The following MSI2 variants were observed in gnomAD, a reference collection of about 807,000 sequenced individuals.
MSI2 encodes musashi RNA binding protein 2.
In MSI2, 17 loss-of-function variants were observed where a neutral mutation model predicts 45.6. The ratio of observed to expected loss-of-function variants is 0.37; its 90% CI spans 0.26 to 0.56. MSI2 has a LOEUF of 0.56. Among genes scored for constraint, MSI2 ranks in the 20% least tolerant of loss-of-function variants. The pLI is 0.77. For missense variants in MSI2, 293 were observed against 444.2 expected, an observed-to-expected ratio of 0.66 and a Z score of 3.06; for synonymous variants, 156 against 158.2, an observed-to-expected ratio of 0.99 and a Z score of 0.11.
At chr17:57,592,121 G>A (rs1408645318) in intron 7 of MSI2, among the ~76,000 whole-genome samples, 10 of 150,938 alleles carry the variant, frequency 6.6e-5, no homozygotes, top group East Asian at 3.9e-4. Context: ...GCAGTGAGCC[G>A]AGATCGCGCC....
At chr17:57,548,039 T>C (rs1181731430) in intron 7 of MSI2, among the ~76,000 whole-genome samples, 1 of 152,182 alleles carries the variant, frequency 6.6e-6, no homozygotes, top group African/African-American at 2.4e-5. Context: ...AAAGCATCAT[T>C]GCATCCACCC....
At chr17:57,590,924 C>A (rs1904771616) in intron 7 of MSI2, among the ~76,000 whole-genome samples, 1 of 152,142 alleles carries the variant, frequency 6.6e-6, no homozygotes, top group South Asian at 2.1e-4. Flanking sequence ...GGGAGGAGTT[C>A]TCTGGTTCTT....
intron 5 of MSI2, among the ~76,000 whole-genome samples, chr17:57,389,610 A>G (rs1194813458): frequency 6.6e-6 from 1 of 152,226 alleles, no homozygotes; most frequent in African/African-American, 2.4e-5. Context: ...TGCTTGGCAC[A>G]TAGTGGGTCC....
chr17:57,309,969 G>A (rs1003537515), intron 5 of MSI2, among the ~76,000 whole-genome samples: 1 of 152,232 alleles, frequency 6.6e-6, no homozygotes, highest in Non-Finnish European at 1.5e-5. Context: ...CGGTGATGAT[G>A]GGGGTGCAGG....
intron 10 of MSI2, among the ~76,000 whole-genome samples, chr17:57,648,525 C>T (rs1428557881): frequency 1.3e-5 from 2 of 152,192 alleles, no homozygotes; most frequent in African/African-American, 4.8e-5. Context: ...CTGTGCTGCC[C>T]TGCCTCAGGA....
intron 6 of MSI2, among the ~76,000 whole-genome samples, chr17:57,409,608 C>T (rs949253727): frequency 2.6e-5 from 4 of 152,050 alleles, no homozygotes; most frequent in African/African-American, 7.2e-5. Flanking sequence ...CTTTGTGGGA[C>T]GTTTGTGTGA....
intron 7 of MSI2, among the ~76,000 whole-genome samples, chr17:57,559,318 C>T (rs890286558): frequency 7.2e-5 from 11 of 152,146 alleles, no homozygotes; most frequent in Admixed American, 5.9e-4. Context: ...GGACAAGCCC[C>T]GATGTCCTGT....
chr17:57,535,448 C>T (rs2086901538), intron 7 of MSI2, among the ~76,000 whole-genome samples: 1 of 152,214 alleles, frequency 6.6e-6, no homozygotes, highest in Admixed American at 6.5e-5. Context: ...CCTTCATTAC[C>T]CAGCAGGCCT....
At chr17:57,458,046 C>T (rs900422330) in intron 6 of MSI2, among the ~76,000 whole-genome samples, 6 of 150,748 alleles carry the variant, frequency 4.0e-5, no homozygotes, top group African/African-American at 1.5e-4. Context: ...TACCATATTG[C>T]ATATATATAA....
At chr17:57,575,781 T>C (rs2088023032) in intron 7 of MSI2, among the ~76,000 whole-genome samples, 1 of 151,582 alleles carries the variant, frequency 6.6e-6, no homozygotes, top group Non-Finnish European at 1.5e-5. Context: ...CCGCCTCTAT[T>C]AAAAATACAA....
intron 5 of MSI2, among the ~76,000 whole-genome samples, chr17:57,295,992 C>T (rs1024849702): frequency 5.4e-4 from 21 of 38,624 alleles, no homozygotes; most frequent in African/African-American, 1.4e-3. Context: ...CGCAGCCTTC[C>T]TTTTTTTTTT....
At chr17:57,378,635 C>CA (rs1262249500) in intron 5 of MSI2, among the ~76,000 whole-genome samples, 1 of 151,986 alleles carries the variant, frequency 6.6e-6, no homozygotes, top group African/African-American at 2.4e-5. Context: ...GGCCTCAAGC[C>CA]ATCCGCCTGC....
chr17:57,353,405 T>C (rs1269076204), intron 5 of MSI2, among the ~76,000 whole-genome samples: 2 of 152,230 alleles, frequency 1.3e-5, no homozygotes, highest in Non-Finnish European at 2.9e-5. Context: ...GGGGTTGTAC[T>C]AAGGACTTGT....
chr17:57,453,002 CT>C (rs59001273), intron 6 of MSI2, among the ~76,000 whole-genome samples: 82,399 of 118,072 alleles, frequency 0.7, 28,522 homozygotes, highest in South Asian at 0.78. Context: ...GGTTGAGGGA[CT>C]TTTTTTTTTT....
chr17:57,302,722 G>A (rs1314992485), intron 5 of MSI2, among the ~76,000 whole-genome samples: 1 of 152,190 alleles, frequency 6.6e-6, no homozygotes, highest in East Asian at 1.9e-4. Flanking sequence ...TACATTTTGA[G>A]AACCCAGCTG....
chr17:57,651,995 G>A lies in MSI2; in HGVS notation c.728-104G>A, dbSNP rs926340682. 14 of 1,068,590 alleles carry A rather than the reference G, an allele frequency of 1.3e-5. No homozygotes were observed. The African/African-American group carries it at 2.2e-4, about 17-fold the overall frequency. The allele number at this position is 1,068,590 out of a possible 1,614,324, so 66.2% of individuals were successfully genotyped here. ...CCTGTGAAAATCCCTTCCCACTCCT[G>A]TCTTTGTGTGGAGGGCGGGGGGTTG... On this transcript the variant is annotated intron_variant, in intron 10 of 13. Transcript: ENST00000284073.
At position 57,378,930 on chromosome 17, in the gene MSI2, G is replaced by T. The variant is rs2083549718; in HGVS notation, c.313-22449G>T. ...TCTCACAGCGACATGGGCCCAAAAT[G>T]CTACCTGTGCTAAGTGGCTGAGTTT... On this transcript the variant is annotated intron_variant, in intron 5 of 13. Coordinates refer to ENST00000284073, the MANE Select transcript of MSI2 (RefSeq NM_138962.4). 5.9e-5 allele frequency among the ~76,000 whole-genome samples: 9 copies of T among 152,236 alleles called. No individual in the cohort carries two copies. The South Asian group carries it at 1.9e-3, about 32-fold the overall frequency.
chr17:57,494,467 A>C (rs147735803), intron 6 of MSI2, among the ~76,000 whole-genome samples: 37 of 152,184 alleles, frequency 2.4e-4, no homozygotes, highest in African/African-American at 1.7e-4. Context: ...GAGTTTCTAG[A>C]AGAGGGGTAT....
intron 7 of MSI2, among the ~76,000 whole-genome samples, chr17:57,595,074 C>A (rs757313946): frequency 3.0e-4 from 46 of 152,150 alleles, no homozygotes; most frequent in Admixed American, 1.0e-3. Flanking sequence ...CCTGCAGGAG[C>A]TATGCTAAAG....
Sources: gnomAD v4.1 joint callset for allele counts (sites outside exome capture counted in the v4.1 genomes callset) on GRCh38, gnomAD v4.1.1 for gene constraint, MANE v1.5 for transcripts, NCBI Gene and HGNC (gene_info 2026-07-23, HGNC 2026-07-21) for gene names.